Variants in PLB1 observed in about 807,000 individuals in gnomAD.
PLB1 encodes phospholipase B1, membrane-associated.
PLB1 carries 242 observed loss-of-function variants against 227.4 expected under a neutral mutation model. The observed-to-expected ratio is 1.06, with a 90% CI of 0.96 to 1.18. The LOEUF is 1.18. Among genes scored for constraint, PLB1 ranks in the 50% most tolerant of loss-of-function variants. PLB1 has a pLI of 0.00. For missense variants in PLB1, 1,858 were observed against 1,816.3 expected (o/e 1.02, Z -0.42); for synonymous variants, 757 against 682.2 (o/e 1.11, Z -1.71).
intron 28 of PLB1, 95 bp downstream of exon 28, chr2:28,589,865 A>G (rs762890519): frequency 7.3e-7 from 1 of 1,369,304 alleles, no homozygotes; most frequent in Non-Finnish European, 1.0e-6. Flanking sequence ...CGTGCAGGCC[A>G]TGTGATTCTA....
At chr2:28,597,007 T>G (rs1437545497) in intron 33 of PLB1, among the ~76,000 whole-genome samples, 2 of 152,188 alleles carry the variant, frequency 1.3e-5, no homozygotes, top group African/African-American at 4.8e-5. Flanking sequence ...CTCACGCCTG[T>G]AATCCCAGCA....
Position 28,539,169 on chromosome 2 carries a change from C to T in PLB1, c.689C>T (p.Thr230Ile), listed in dbSNP as rs746396162. 6.2e-7 allele frequency: 1 copy of T among 1,613,412 alleles called. No homozygotes were observed. The highest frequency in any genetic ancestry group is 1.6e-4 in the Middle Eastern group (1 of 6,062). ...VAEVSRQYHGTWLSPAPEPCN... is the reference protein window; with the variant it reads ...VAEVSRQYHGIWLSPAPEPCN... ...GAGGTCTCTCGTCAGTATCACGGCACTTGGCTCAGGTAAAAGGGGAAGTGG... is the reference window on the plus strand; with the variant it reads ...GAGGTCTCTCGTCAGTATCACGGCATTTGGCTCAGGTAAAAGGGGAAGTGG... Residue 230 changes from threonine to isoleucine, a missense_variant, in exon 11 of 58, where the codon ACT becomes ATT. By Grantham distance (89) the Thr-to-Ile change is moderately conservative. Transcript: ENST00000327757.
chr2:28,498,076 TTAAA>T (rs931596694), intron 1 of PLB1, among the ~76,000 whole-genome samples: 1 of 151,788 alleles, frequency 6.6e-6, no homozygotes, highest in African/African-American at 2.4e-5. Flanking sequence ...TCTTTGTATC[TTAAA>T]TAACTCCTCT....
chr2:28,586,665 A>G (rs575942577), intron 26 of PLB1, among the ~76,000 whole-genome samples: 5 of 152,286 alleles, frequency 3.3e-5, no homozygotes, highest in African/African-American at 1.2e-4. Context: ...ATGAACCTGT[A>G]TTTATTATCC....
chr2:28,637,060 G>A lies in PLB1; in HGVS notation c.4099-3867G>A, dbSNP rs181570466. 5.3e-5 allele frequency among the ~76,000 whole-genome samples: 8 copies of A among 152,198 alleles called. No individual in the cohort carries two copies. In the East Asian group the frequency reaches 1.4e-3, roughly 26 times the overall value. Reference sequence around the variant, plus strand: ...TGTAATCCCAGCACTTTGGGAGGCCGAGGCAGGCAGATCCCCTGAGGTCAG... The same window carrying A: ...TGTAATCCCAGCACTTTGGGAGGCCAAGGCAGGCAGATCCCCTGAGGTCAG... On this transcript the variant is annotated intron_variant, in intron 56 of 57. Transcript: ENST00000327757.
rs193142451 is a variant in PLB1 at position 28,621,996 on chromosome 2, G to A, written c.3527+1018G>A. Among the ~76,000 whole-genome samples the A allele has an allele frequency of 7.2e-5, 11 of 152,074 alleles. No individual in the cohort carries two copies. The East Asian group carries it at 2.1e-3, about 29-fold the overall frequency. ...CTCTTATTGCCTTTTCTATTTTACC[G>A]CTGCTCAGCTCCTCTGCCAGATGAA... On this transcript the variant is annotated intron_variant, in intron 49 of 57. Coordinates refer to ENST00000327757, the MANE Select transcript of PLB1 (RefSeq NM_153021.5).
chr2:28,511,564 G>C (rs947286432), intron 1 of PLB1, among the ~76,000 whole-genome samples: 22 of 152,254 alleles, frequency 1.4e-4, no homozygotes, highest in African/African-American at 4.8e-4. Context: ...AAGTCAGGCT[G>C]ATCTTAATAT....
chr2:28,595,433 AACT>A (rs1485484788), intron 33 of PLB1: 1 of 152,210 alleles, frequency 6.6e-6, no homozygotes, highest in Admixed American at 6.5e-5. Flanking sequence ...ATGGAACATT[AACT>A]CCAGACCTGT....
At chr2:28,616,554 G>A (rs1573459094) in intron 44 of PLB1, among the ~76,000 whole-genome samples, 1 of 152,330 alleles carries the variant, frequency 6.6e-6, no homozygotes, top group African/African-American at 2.4e-5. Context: ...TGACGGATGA[G>A]CACGTTTCAA....
At chr2:28,532,015 G>T (rs1671078789) in intron 8 of PLB1, 93 bp from the exon 9 acceptor site, 2 of 957,336 alleles carry the variant, frequency 2.1e-6, no homozygotes, top group Admixed American at 2.1e-5. Context: ...TCAGGGATGG[G>T]TGTATGAAAT....
At position 28,541,762 on chromosome 2, in the gene PLB1, C is replaced by T. The variant is rs1202413678; in HGVS notation, c.830C>T (p.Thr277Ile). The change falls in exon 13 of 58, where the codon ACC becomes ATC. Residue 277 changes from threonine to isoleucine, a missense_variant. Thr to Ile is a moderately conservative substitution (Grantham distance 89, BLOSUM62 -1). Coordinates refer to ENST00000327757, the MANE Select transcript of PLB1 (RefSeq NM_153021.5). ...SSRYSEQESFTVVFQPFFYET... is the reference protein window; with the variant it reads ...SSRYSEQESFIVVFQPFFYET... ...AGGTACAGTGAGCAGGAGTCCTTCA[C>T]CGTGGTTTTCCAGCCTTTCTTCTAT... 1.9e-6 allele frequency: 3 copies of T among 1,613,954 alleles called. No homozygotes were observed. The highest frequency in any genetic ancestry group is 2.7e-5 in the African/African-American group (2 of 74,928).
intron 34 of PLB1, among the ~76,000 whole-genome samples, chr2:28,598,265 C>A (rs1035941086): frequency 1.3e-5 from 2 of 152,152 alleles, no homozygotes; most frequent in Non-Finnish European, 2.9e-5. Flanking sequence ...GTGCTTCAAT[C>A]CCTGGTGCTG....
In PLB1 at chr2:28,518,515, A is replaced by C; in HGVS notation, c.167A>C (p.Asn56Thr). 1 of 1,612,690 alleles carries C rather than the reference A, an allele frequency of 6.2e-7. No individual in the cohort carries two copies. ...TGCAACCCAAATAAATTAGGAGTGA[A>C]TATGCCTTCTAAATCAGGTATGTAA... ...FPCNPNKLGVNMPSKSVHSLK... is the reference protein window; with the variant it reads ...FPCNPNKLGVTMPSKSVHSLK... Residue 56 changes from asparagine to threonine, a missense_variant, in exon 3 of 58, where the codon AAT becomes ACT. Asn to Thr is a moderately conservative substitution (Grantham distance 65, BLOSUM62 0). Coordinates refer to ENST00000327757, the MANE Select transcript of PLB1 (RefSeq NM_153021.5).
At chr2:28,577,990 C>G in intron 21 of PLB1, 117 bp from the exon 22 acceptor site, 1 of 949,682 alleles carries the variant, frequency 1.1e-6, no homozygotes, top group Non-Finnish European at 1.7e-6. Flanking sequence ...AGTCCATTTT[C>G]CTGCAGGAGG....
intron 43 of PLB1, among the ~76,000 whole-genome samples, chr2:28,611,935 T>C (rs527466456): frequency 6.6e-6 from 1 of 151,872 alleles, no homozygotes; most frequent in Non-Finnish European, 1.5e-5. Context: ...GGTCAGGAGA[T>C]CGAGACCATC....
intron 1 of PLB1, among the ~76,000 whole-genome samples, chr2:28,507,917 T>A (rs956871034): frequency 2.6e-5 from 4 of 152,174 alleles, no homozygotes; most frequent in African/African-American, 9.7e-5. Context: ...ATGTTTTTTG[T>A]AATCAGACTA....
chr2:28,628,773 G>T, intron 52 of PLB1, 145 bp downstream of exon 52: 1 of 821,584 alleles, frequency 1.2e-6, no homozygotes, highest in Non-Finnish European at 2.0e-6. Flanking sequence ...TGGCTGTCAA[G>T]CTCCTCTGCA....
chr2:28,545,891 GTCCATTAC>G (rs1673182095), intron 14 of PLB1, among the ~76,000 whole-genome samples: 2 of 152,108 alleles, frequency 1.3e-5, no homozygotes, highest in Non-Finnish European at 2.9e-5. Context: ...GGGAGTCCAG[GTCCATTAC>G]TCTGTCCTCA....
intron 38 of PLB1, among the ~76,000 whole-genome samples, chr2:28,602,457 G>A (rs1255819421): frequency 6.6e-6 from 1 of 152,260 alleles, no homozygotes; most frequent in Non-Finnish European, 1.5e-5. Context: ...GGTTGAGTCT[G>A]CGTGCCTACT....
Sources: gnomAD v4.1 joint callset for allele counts (sites outside exome capture counted in the v4.1 genomes callset) on GRCh38, gnomAD v4.1.1 for gene constraint, MANE v1.5 for transcripts, NCBI Gene and HGNC (gene_info 2026-07-23, HGNC 2026-07-21) for gene names.